Variants in PITPNM2 observed in about 807,000 individuals in gnomAD.
The protein encoded by PITPNM2 is phosphatidylinositol transfer protein membrane associated 2.
PITPNM2 carries 35 observed loss-of-function variants against 132.2 expected under a neutral mutation model. The observed-to-expected ratio is 0.26, with a 90% CI of 0.20 to 0.35. The LOEUF (loss-of-function observed/expected upper bound fraction) is 0.35, where lower values mean the gene tolerates loss of function less well. Among genes scored for constraint, PITPNM2 ranks in the 10% least tolerant of loss-of-function variants. The pLI is 1.00. For missense variants in PITPNM2, 1,332 were observed against 1,912.0 expected (o/e 0.70, Z 5.66); for synonymous variants, 738 against 799.2 (o/e 0.92, Z 1.29).
chr12:123,136,044 G>A (rs2043374311), intron 1 of PITPNM2, among the ~76,000 whole-genome samples: 1 of 152,078 alleles, frequency 6.6e-6, no homozygotes, highest in African/African-American at 2.4e-5. Context: ...GCTCACCCCT[G>A]TAATCCCAGC....
At chr12:123,074,036 G>A (rs140572794) in intron 2 of PITPNM2, among the ~76,000 whole-genome samples, 107 of 152,306 alleles carry the variant, frequency 7.0e-4, no homozygotes, top group African/African-American at 2.6e-3. Context: ...AGCCATGCCC[G>A]GTGCAGAGCA....
intron 2 of PITPNM2, among the ~76,000 whole-genome samples, chr12:123,050,467 G>A (rs2040821812): frequency 6.6e-6 from 1 of 152,130 alleles, no homozygotes; most frequent in Non-Finnish European, 1.5e-5. Flanking sequence ...GTATCTCCTG[G>A]GCTGTGACCC....
At chr12:123,045,063 C>G (rs1490197229) in intron 2 of PITPNM2, among the ~76,000 whole-genome samples, 1 of 152,234 alleles carries the variant, frequency 6.6e-6, no homozygotes, top group African/African-American at 2.4e-5. Flanking sequence ...TGAAGGCCAA[C>G]TCTCTGTCAC....
Position 123,073,973 on chromosome 12 carries a change from A to G in PITPNM2, c.-96+36412T>C, listed in dbSNP as rs552801169. Among the ~76,000 whole-genome samples the G allele has an allele frequency of 1.1e-4, 17 of 152,282 alleles. No individual in the cohort carries two copies. The South Asian group carries it at 2.7e-3, about 24-fold the overall frequency. On this transcript the variant is annotated intron_variant, in intron 2 of 25. Transcript: ENST00000320201. ...ACCTCCTTGGCCTCCTCCCATACTG[A>G]GCACCCGCTGAAGGACAAGGGCTGA...
chr12:123,040,057 G>A lies in PITPNM2; in HGVS notation c.-95-5372C>T, dbSNP rs192335706. On this transcript the variant is annotated intron_variant, in intron 2 of 25. Coordinates refer to ENST00000320201, the MANE Select transcript of PITPNM2 (RefSeq NM_020845.3). ...AGGTGGGAGGATCCCTTGAGCCCGG[G>A]AGGTGGAGGTTGCAGTGAGCCAAGA... 5.9e-5 allele frequency among the ~76,000 whole-genome samples: 9 copies of A among 152,264 alleles called. No individual in the cohort carries two copies. The East Asian group carries it at 1.7e-3, about 29-fold the overall frequency.
chr12:123,068,324 G>A (rs1322149010), intron 2 of PITPNM2, among the ~76,000 whole-genome samples: 2 of 152,068 alleles, frequency 1.3e-5, no homozygotes, highest in South Asian at 2.1e-4. Context: ...AAAATTAGCC[G>A]GGTGAGGTGG....
intron 1 of PITPNM2, among the ~76,000 whole-genome samples, chr12:123,143,272 A>G (rs569424420): frequency 5.3e-5 from 8 of 152,288 alleles, no homozygotes; most frequent in African/African-American, 1.9e-4. Context: ...GGGGCTGGGA[A>G]GCCCAAGGGC....
intron 2 of PITPNM2, among the ~76,000 whole-genome samples, chr12:123,059,039 C>CTCTACAGA (rs1016273987): frequency 6.6e-4 from 101 of 152,348 alleles, no homozygotes; most frequent in Admixed American, 3.9e-4. Context: ...CAGCGAGGTG[C>CTCTACAGA]TCTACAGATC....
Position 123,004,966 on chromosome 12 carries a change from C to T in PITPNM2, c.952+274G>A, listed in dbSNP as rs976625625. Among the ~76,000 whole-genome samples, 11 of 152,196 alleles carry T rather than the reference C, an allele frequency of 7.2e-5. No homozygotes were observed. The highest frequency in any genetic ancestry group is 1.0e-4 in the Non-Finnish European group (7 of 68,006). On this transcript the variant is annotated intron_variant, in intron 7 of 25. Transcript: ENST00000320201. The surrounding 1 kb of genome is among the most constrained non-coding windows in gnomAD (Gnocchi z 4.9). ...GGGTCCCCATCAGGAGGGGTGGCCC[C>T]TCCACCGCGCTGCAGGAGCCCAGCC...
rs375606668 is a variant in PITPNM2 at position 123,058,808 on chromosome 12, C to T, written c.-95-24123G>A. Among the ~76,000 whole-genome samples, 11 of 152,258 alleles carry T rather than the reference C, an allele frequency of 7.2e-5. No homozygotes were observed. The South Asian group carries it at 1.9e-3, about 26-fold the overall frequency. ...AAAAAGCCCTTTCCCACGGGGTCCA[C>T]CTGGAAAATTCTCGAAGTGTCTATT... On this transcript the variant is annotated intron_variant, in intron 2 of 25. Coordinates refer to ENST00000320201, the MANE Select transcript of PITPNM2 (RefSeq NM_020845.3). The surrounding 1 kb of genome is among the most constrained non-coding windows in gnomAD (Gnocchi z 4.0).
rs187302099 is a variant in PITPNM2 at position 123,036,144 on chromosome 12, C to T, written c.-95-1459G>A. Among the ~76,000 whole-genome samples, 5 of 152,332 alleles carry T rather than the reference C, an allele frequency of 3.3e-5. No individual in the cohort carries two copies. Among genetic ancestry groups the T allele is most frequent in the Admixed American group, 2.6e-4 (4 of 15,302 alleles). On this transcript the variant is annotated intron_variant, in intron 2 of 25. Coordinates refer to ENST00000320201, the MANE Select transcript of PITPNM2 (RefSeq NM_020845.3). The surrounding 1 kb of genome is among the most constrained non-coding windows in gnomAD (Gnocchi z 4.1). Reference sequence around the variant, plus strand: ...GGGCCTGGCCAGTCAGGCAACTTCCCCAGGGCACGGCTCTCTATCGGGCAT... The same window carrying T: ...GGGCCTGGCCAGTCAGGCAACTTCCTCAGGGCACGGCTCTCTATCGGGCAT...
At chr12:123,060,662 C>T (rs149775719) in intron 2 of PITPNM2, among the ~76,000 whole-genome samples, 14 of 152,310 alleles carry the variant, frequency 9.2e-5, no homozygotes, top group Admixed American at 3.9e-4. Flanking sequence ...GGATGAGGAG[C>T]GCAGAGGCTG....
At chr12:122,995,337 G>T in intron 14 of PITPNM2, 52 bp downstream of exon 14, 1 of 1,536,460 alleles carries the variant, frequency 6.5e-7, no homozygotes, top group Non-Finnish European at 8.8e-7. Context: ...CCTCCCTCTT[G>T]GAGCCTCTTC....
At chr12:123,138,786 T>C (rs1162409689) in intron 1 of PITPNM2, among the ~76,000 whole-genome samples, 3 of 152,244 alleles carry the variant, frequency 2.0e-5, no homozygotes, top group Non-Finnish European at 4.4e-5. Flanking sequence ...GCTGTGAATA[T>C]ACTATATAAC....
intron 1 of PITPNM2, among the ~76,000 whole-genome samples, chr12:123,123,892 C>T (rs2043080761): frequency 6.8e-6 from 1 of 148,010 alleles, no homozygotes; most frequent in South Asian, 2.1e-4. Context: ...GTGGAGATCG[C>T]ACCACCGCAC....
At chr12:123,033,110 C>T (rs1315588386) in intron 3 of PITPNM2, among the ~76,000 whole-genome samples, 1 of 152,224 alleles carries the variant, frequency 6.6e-6, no homozygotes, top group Non-Finnish European at 1.5e-5. Context: ...CCCACACCAA[C>T]GACTCAGTCT....
chr12:123,081,744 GA>G, intron 2 of PITPNM2: 1 of 152,390 alleles, frequency 6.6e-6, no homozygotes, highest in East Asian at 1.9e-4. Context: ...AGACCCAGGG[GA>G]AGGGGGCACT....
intron 2 of PITPNM2, among the ~76,000 whole-genome samples, chr12:123,103,061 C>A (rs1677090577): frequency 6.6e-6 from 1 of 152,222 alleles, no homozygotes; most frequent in Non-Finnish European, 1.5e-5. Flanking sequence ...GTAGCTGGGA[C>A]TACAGGTACA....
chr12:122,996,327 AG>A, intron 13 of PITPNM2, 130 bp downstream of exon 13: 1 of 1,282,634 alleles, frequency 7.8e-7, no homozygotes, highest in Non-Finnish European at 1.1e-6. Flanking sequence ...AGATGGACTC[AG>A]GAAGTGCTGC....
Sources: gnomAD v4.1 joint callset for allele counts (sites outside exome capture counted in the v4.1 genomes callset) on GRCh38, gnomAD v4.1.1 for gene constraint, Gnocchi (gnomAD v3.1) non-coding constraint, MANE v1.5 for transcripts, NCBI Gene and HGNC (gene_info 2026-07-23, HGNC 2026-07-21) for gene names.